CCDC194: variants seen among roughly 807,000 people sequenced by gnomAD.
CCDC194 encodes coiled-coil domain containing 194.
Under a neutral mutation model 4.9 loss-of-function variants are expected in CCDC194, and 8 were observed. The ratio of observed to expected loss-of-function variants is 1.65; its 90% CI spans 0.97 to 2.97. The LOEUF (loss-of-function observed/expected upper bound fraction) is 2.97, where lower values mean the gene tolerates loss of function less well. Among genes scored for constraint, CCDC194 ranks in the 30% most tolerant of loss-of-function variants. The pLI is 0.00. For synonymous variants in CCDC194, 13 were observed against 17.0 expected, an observed-to-expected ratio of 0.76 and a Z score of 0.58; for missense variants, 52 against 43.1, an observed-to-expected ratio of 1.21 and a Z score of -0.58.
chr19:17,391,677 TGTTTGGATA>T, intron 2 of CCDC194, 64 bp downstream of exon 2: 1 of 1,535,464 alleles, frequency 6.5e-7, no homozygotes, highest in Non-Finnish European at 8.7e-7. Flanking sequence ...CAACTGTGCT[TGTTTGGATA>T]ACTAGGATTC....
At chr19:17,391,378 T>TCCCCC in intron 2 of CCDC194, 35 bp from the exon 3 acceptor site, 4 of 501,582 alleles carry the variant, frequency 8.0e-6, no homozygotes, top group Non-Finnish European at 1.0e-5. Context: ...GGCTGGAGAC[T>TCCCCC]CCCGCGCCCA....
At chr19:17,392,854 G>C (rs1401314399) in intron 1 of CCDC194, among the ~76,000 whole-genome samples, 1 of 152,172 alleles carries the variant, frequency 6.6e-6, no homozygotes, top group African/African-American at 2.4e-5. Context: ...GCTAATTTTT[G>C]TATTTTTAGT....
At chr19:17,391,646 G>C (rs927449188) in intron 2 of CCDC194, 104 bp downstream of exon 2, 14 of 1,533,120 alleles carry the variant, frequency 9.1e-6, no homozygotes, top group African/African-American at 2.7e-5. Context: ...GTTTATATCC[G>C]TGTTATTTGC....
chr19:17,391,298 C>T (rs1451382131), exon 3 of CCDC194: 6 of 421,746 alleles, frequency 1.4e-5, no homozygotes, highest in Admixed American at 1.3e-4. Context: ...CTCGTCCAGC[C>T]GCCGCGTAGA....
intron 1 of CCDC194, among the ~76,000 whole-genome samples, chr19:17,393,158 G>A (rs1032361319): frequency 3.3e-5 from 5 of 152,130 alleles, no homozygotes; most frequent in Non-Finnish European, 7.3e-5. Context: ...GAAAAAGTCT[G>A]AAGGGTTAGT....
chr19:17,387,891 T>C (rs553683800), downstream of CCDC194, among the ~76,000 whole-genome samples: 1 of 152,074 alleles, frequency 6.6e-6, no homozygotes, highest in East Asian at 1.9e-4. Context: ...TTTCTATTTA[T>C]TTTTATTTTT....
At chr19:17,392,976 C>T (rs529429678) in intron 1 of CCDC194, among the ~76,000 whole-genome samples, 3 of 152,294 alleles carry the variant, frequency 2.0e-5, no homozygotes, top group Admixed American at 6.5e-5. Context: ...GCCACTGCGC[C>T]CGGCCCCATT....
chr19:17,391,241 G>A (rs900152016), exon 3 of CCDC194: 29 of 401,514 alleles, frequency 7.2e-5, no homozygotes, highest in African/African-American at 5.8e-4. Flanking sequence ...CTCCCGGGCC[G>A]CACAGGCTTC....
At chr19:17,393,358 T>G (rs1433765342) in intron 1 of CCDC194, among the ~76,000 whole-genome samples, 1 of 145,498 alleles carries the variant, frequency 6.9e-6, no homozygotes, top group African/African-American at 2.6e-5. Context: ...ATCTGGCAAA[T>G]AGCAAAGGAC....
chr19:17,391,095 C>T (rs1599587488), intron 3 of CCDC194, 116 bp downstream of exon 3: 5 of 332,542 alleles, frequency 1.5e-5, no homozygotes. Flanking sequence ...TGCCCCCCCC[C>T]CACCACAATT....
At chr19:17,389,101 A>G (rs975623988), downstream of CCDC194, among the ~76,000 whole-genome samples, 3 of 152,150 alleles carry the variant, frequency 2.0e-5, no homozygotes, top group African/African-American at 7.2e-5. Context: ...TGGCCTCCCA[A>G]AATGTTGGGA....
At chr19:17,393,057 C>T (rs2074660817) in intron 1 of CCDC194, among the ~76,000 whole-genome samples, 1 of 152,082 alleles carries the variant, frequency 6.6e-6, no homozygotes, top group Admixed American at 6.6e-5. Context: ...GGGGGGTGTG[C>T]ACAGAGGTAT....
intron 2 of CCDC194, 173 bp from the exon 3 acceptor site, chr19:17,391,516 G>C: frequency 1.1e-6 from 1 of 934,900 alleles, no homozygotes; most frequent in Non-Finnish European, 1.6e-6. Flanking sequence ...CTTTTCATAG[G>C]TTTGCATTGC....
chr19:17,391,453 T>C (rs2074654502), intron 2 of CCDC194, 110 bp from the exon 3 acceptor site: 1 of 569,866 alleles, frequency 1.8e-6, no homozygotes, highest in Non-Finnish European at 3.0e-6. Flanking sequence ...TTTCCTTTAT[T>C]TGAATTAAAT....
At chr19:17,391,944 C>G in intron 1 of CCDC194, 98 bp from the exon 2 acceptor site, 1 of 1,130,130 alleles carries the variant, frequency 8.8e-7, no homozygotes, top group African/African-American at 1.6e-5. Context: ...CACCTGCGAC[C>G]CTGTGTCCTG....
chr19:17,389,737 G>A (rs1599586926), downstream of CCDC194, among the ~76,000 whole-genome samples: 1 of 152,270 alleles, frequency 6.6e-6, no homozygotes, highest in East Asian at 1.9e-4. Context: ...AGGCCGGGTG[G>A]GCGGATCACC....
At chr19:17,387,675 G>A (rs1336994179), downstream of CCDC194, among the ~76,000 whole-genome samples, 2 of 151,760 alleles carry the variant, frequency 1.3e-5, no homozygotes, top group African/African-American at 4.8e-5. Flanking sequence ...CTGAGACTGC[G>A]CCATTGCACT....
At chr19:17,393,095 G>A (rs1206039947) in intron 1 of CCDC194, among the ~76,000 whole-genome samples, 3 of 152,312 alleles carry the variant, frequency 2.0e-5, no homozygotes, top group East Asian at 1.9e-4. Context: ...AATGGAAATG[G>A]CTGGGATTTT....
At chr19:17,390,114 T>C (rs1434657918), downstream of CCDC194, among the ~76,000 whole-genome samples, 1 of 152,188 alleles carries the variant, frequency 6.6e-6, no homozygotes, top group African/African-American at 2.4e-5. The surrounding 1 kb of genome is among the most constrained non-coding windows in gnomAD (Gnocchi z 5.5). Flanking sequence ...CTCCCTATCA[T>C]GAGTCCAATC....
Sources: allele counts gnomAD v4.1 joint callset (sites outside exome capture counted in the v4.1 genomes callset), GRCh38; gene constraint gnomAD v4.1.1; non-coding constraint Gnocchi (gnomAD v3.1); transcripts MANE v1.5; gene names NCBI Gene and HGNC (gene_info 2026-07-23, HGNC 2026-07-21).